BRD3: variants seen among roughly 807,000 people sequenced by gnomAD.
The protein encoded by BRD3 is bromodomain containing 3.
Under a neutral mutation model 66.8 loss-of-function variants are expected in BRD3, and 17 were observed. The ratio of observed to expected loss-of-function variants is 0.25; its 90% CI spans 0.17 to 0.38. The LOEUF is 0.38. Ranked by LOEUF, BRD3 falls within the 10% of genes least tolerant of loss-of-function variation. The pLI, the probability that BRD3 is intolerant of heterozygous loss-of-function variation, is 1.00. For synonymous variants in BRD3, 421 were observed against 393.2 expected, an observed-to-expected ratio of 1.07 and a Z score of -0.84; for missense variants, 713 against 956.1, an observed-to-expected ratio of 0.75 and a Z score of 3.35.
chr9:134,033,555 C>A lies in BRD3; in HGVS notation c.*35G>T. 1.4e-6 allele frequency: 1 copy of A among 718,596 alleles called. No homozygotes were observed. The highest frequency in any genetic ancestry group is 2.0e-5 in the Admixed American group (1 of 51,200). The allele number at this position is 718,596 out of a possible 1,614,324, so 44.5% of individuals were successfully genotyped here. ...GGGTACGGCAGAGTCTCGGCGTGTGCGACATCCATCTGTCCTGTTCTGTCC... is the reference window on the plus strand; with the variant it reads ...GGGTACGGCAGAGTCTCGGCGTGTGAGACATCCATCTGTCCTGTTCTGTCC... On this transcript the variant is annotated 3_prime_UTR_variant, in exon 12 of 12. Coordinates refer to ENST00000303407, the MANE Select transcript of BRD3 (RefSeq NM_007371.4). This position sits in a 1 kb window ranked among gnomAD's most constrained non-coding sequence, Gnocchi z 5.1.
rs532835965 is a variant in BRD3, at chr9:134,044,508, T to G, written c.1215+785A>C. Among the ~76,000 whole-genome samples the G allele has an allele frequency of 2.0e-5, 3 of 152,296 alleles. No individual in the cohort carries two copies. The South Asian group carries it at 6.2e-4, about 32-fold the overall frequency. ...AGAACACATACCCATAATTCTCCCCTTTCCTCCAAAAATCAAGTCCTTTGA... is the reference window on the plus strand; with the variant it reads ...AGAACACATACCCATAATTCTCCCCGTTCCTCCAAAAATCAAGTCCTTTGA... On this transcript the variant is annotated intron_variant, in intron 7 of 11. Transcript: ENST00000303407.
At chr9:134,050,623 G>C (rs200660740) in intron 4 of BRD3, 35 bp from the exon 5 acceptor site, 5 of 1,546,064 alleles carry the variant, frequency 3.2e-6, no homozygotes, top group South Asian at 1.1e-5. Context: ...AACACACCAG[G>C]CTCCACTAGT....
intron 1 of BRD3, 196 bp from the exon 2 acceptor site, chr9:134,053,786 C>A: frequency 2.4e-6 from 1 of 416,304 alleles, no homozygotes; most frequent in Non-Finnish European, 4.3e-6. Flanking sequence ...CAGCTCAGAA[C>A]GACTCTCCAA....
At chr9:134,060,586 T>C (rs1830515368) in intron 1 of BRD3, among the ~76,000 whole-genome samples, 1 of 93,010 alleles carries the variant, frequency 1.1e-5, no homozygotes, top group Non-Finnish European at 2.2e-5. Context: ...AGCAAGACCC[T>C]GACACACACA....
intron 10 of BRD3, among the ~76,000 whole-genome samples, chr9:134,035,519 G>A (rs75704112): frequency 0.09 from 13,630 of 152,248 alleles, 699 homozygotes; most frequent in African/African-American, 0.14. Flanking sequence ...AGCCTGGGCC[G>A]GTGCCCCAGG....
Position 134,030,664 on chromosome 9 carries a change from T to C in BRD3, c.*2926A>G, listed in dbSNP as rs961658457. 1 of 229,496 alleles carries C rather than the reference T, an allele frequency of 4.4e-6. No homozygotes were observed. 14.2% of individuals were successfully genotyped at this position (229,496 alleles called of 1,614,324 possible). A position where few individuals can be genotyped will look rare whatever the true frequency, so the allele number is the denominator to read the frequency against. On this transcript the variant is annotated 3_prime_UTR_variant, in exon 12 of 12. Transcript: ENST00000303407. The stretch of plus-strand genomic sequence containing the variant: ...GGATGTGACAAATTCTGTATGTGGG[T>C]GTTACTCTTTCCCAAAAGACTGTCA...
Position 134,045,341 on chromosome 9 carries a change from T to C in BRD3, c.1167A>G (p.Lys389=), listed in dbSNP as rs757970323. 4 of 1,613,644 alleles carry C rather than the reference T, an allele frequency of 2.5e-6. No homozygotes were observed. The Admixed American group carries it at 6.7e-5, about 27-fold the overall frequency. Residue 389 remains lysine (K), a synonymous_variant, in exon 7 of 12, where the codon AAA becomes AAG. Transcript: ENST00000303407. This position sits in a 1 kb window ranked among gnomAD's most constrained non-coding sequence, Gnocchi z 4.8. ...CAACCTCGTGGTCTGGGGGATTGTA[T>C]TTGTAGCAATTCGAGAACATCAGCC... is the stretch of plus-strand genomic sequence containing the variant. ...DVRLMFSNCY[K]YNPPDHEVVA... is the part of the protein sequence containing the mutation.
intron 1 of BRD3, among the ~76,000 whole-genome samples, chr9:134,054,871 T>C (rs1445086129): frequency 6.6e-6 from 1 of 150,506 alleles, no homozygotes; most frequent in Admixed American, 6.6e-5. Context: ...TAACCTCACT[T>C]CCTCCCACCC....
Position 134,030,414 on chromosome 9 carries a change from T to G in BRD3, c.*3176A>C, listed in dbSNP as rs1459406684. 1 of 190,278 alleles carries G rather than the reference T, an allele frequency of 5.3e-6. No homozygotes were observed. The highest frequency in any genetic ancestry group is 2.3e-5 in the African/African-American group (1 of 42,754). 11.8% of individuals were successfully genotyped at this position (190,278 alleles called of 1,614,324 possible). A position where few individuals can be genotyped will look rare whatever the true frequency, so the allele number is the denominator to read the frequency against. ...AAAGAGTACTTTCTACCATTTTTATTCTGTTGTGTTGAGGCCAGCATTGCA... is the reference window on the plus strand; with the variant it reads ...AAAGAGTACTTTCTACCATTTTTATGCTGTTGTGTTGAGGCCAGCATTGCA... On this transcript the variant is annotated 3_prime_UTR_variant, in exon 12 of 12. Transcript: ENST00000303407.
At position 134,032,439 on chromosome 9, in the gene BRD3, CAAAA is replaced by C. The variant is rs10636879; in HGVS notation, c.*1147_*1150del. ...TACCTGTAAGCCTCCAAGTTTCATA[CAAAA>C]AAAAAAAAAAAAAAAAACCACAAAG... On this transcript the variant is annotated 3_prime_UTR_variant, in exon 12 of 12. Coordinates refer to ENST00000303407, the MANE Select transcript of BRD3 (RefSeq NM_007371.4). 88 of 116,690 alleles carry C rather than the reference CAAAA, an allele frequency of 7.5e-4. 1 individual carries two copies. Among genetic ancestry groups the C allele is most frequent in the Admixed American group, 4.4e-3 (38 of 8,634 alleles). The allele number at this position is 116,690 out of a possible 1,614,324, so 7.2% of individuals were successfully genotyped here.
At chr9:134,047,885 C>T in intron 6 of BRD3, 198 bp downstream of exon 6, 2 of 651,460 alleles carry the variant, frequency 3.1e-6, no homozygotes, top group Non-Finnish European at 4.9e-6. Context: ...GACTCCGGGA[C>T]CCACAGGCAG....
At chr9:134,049,366 G>A (rs757721219) in intron 5 of BRD3, among the ~76,000 whole-genome samples, 3 of 152,318 alleles carry the variant, frequency 2.0e-5, no homozygotes, top group Admixed American at 1.3e-4. Context: ...CGGGAGCCAC[G>A]GCTCCCAGCC....
At position 134,051,437 on chromosome 9, in the gene BRD3, G is replaced by A. The variant is rs1830292954; in HGVS notation, c.499+125C>T. 4 of 1,035,292 alleles carry A rather than the reference G, an allele frequency of 3.9e-6. No homozygotes were observed. In the East Asian group the frequency reaches 1.3e-4, roughly 33 times the overall value. 64.1% of individuals were successfully genotyped at this position (1,035,292 alleles called of 1,614,324 possible). A position where few individuals can be genotyped will look rare whatever the true frequency, so the allele number is the denominator to read the frequency against. On this transcript the variant is annotated intron_variant, in intron 4 of 11. Coordinates refer to ENST00000303407, the MANE Select transcript of BRD3 (RefSeq NM_007371.4). ...ACAGGCCACACTCATCCAAGACCCG[G>A]CACCCACGAGCTCGTCACGACAGAT...
chr9:134,060,779 G>A (rs563216690), intron 1 of BRD3, among the ~76,000 whole-genome samples: 4 of 152,294 alleles, frequency 2.6e-5, no homozygotes, highest in South Asian at 2.1e-4. Flanking sequence ...GAGGTGGCCC[G>A]AATCCTACCT....
At chr9:134,043,426 G>A (rs1465700890) in intron 7 of BRD3, among the ~76,000 whole-genome samples, 1 of 152,180 alleles carries the variant, frequency 6.6e-6, no homozygotes, top group Non-Finnish European at 1.5e-5. Context: ...TTTTTGCCAA[G>A]CTCAGAAACC....
intron 6 of BRD3, 182 bp downstream of exon 6, chr9:134,047,901 G>A (rs912121805): frequency 2.9e-5 from 22 of 766,712 alleles, no homozygotes; most frequent in Non-Finnish European, 3.9e-5. Flanking sequence ...GGCAGAGCAC[G>A]CCTTCCTCGC....
intron 1 of BRD3, among the ~76,000 whole-genome samples, chr9:134,064,077 C>A (rs889707967): frequency 6.6e-6 from 1 of 152,202 alleles, no homozygotes. Context: ...CAGACTGGTG[C>A]GAGACGCAGA....
At chr9:134,064,647 G>A (rs561177921) in intron 1 of BRD3, among the ~76,000 whole-genome samples, 78 of 152,184 alleles carry the variant, frequency 5.1e-4, no homozygotes, top group African/African-American at 1.9e-3. Flanking sequence ...GGTCACTCAC[G>A]GCCAAGAGTT....
At chr9:134,051,899 T>G (rs1248364110) in intron 3 of BRD3, among the ~76,000 whole-genome samples, 190 bp from the exon 4 acceptor site, 4 of 137,628 alleles carry the variant, frequency 2.9e-5, no homozygotes, top group Non-Finnish European at 6.2e-5. Context: ...GTTTTTTTTT[T>G]TTTTTTTTTG....
Sources: gnomAD v4.1 joint callset for allele counts (sites outside exome capture counted in the v4.1 genomes callset) on GRCh38, gnomAD v4.1.1 for gene constraint, Gnocchi (gnomAD v3.1) non-coding constraint, MANE v1.5 for transcripts, NCBI Gene and HGNC (gene_info 2026-07-23, HGNC 2026-07-21) for gene names.